The following EIF2B3 variants were observed in gnomAD, a reference collection of about 807,000 sequenced individuals.
The protein encoded by EIF2B3 is eukaryotic translation initiation factor 2B subunit gamma, also known as translation initiation factor eIF2B subunit gamma.
A neutral mutation model predicts 54.1 loss-of-function variants in EIF2B3; 20 were observed. The ratio of observed to expected loss-of-function variants is 0.37; its 90% CI spans 0.26 to 0.54. The LOEUF is 0.54. Ranked by LOEUF, EIF2B3 falls within the 20% of genes least tolerant of loss-of-function variation. EIF2B3 has a pLI of 0.86. For missense variants in EIF2B3, 448 were observed against 547.8 expected (o/e 0.82, Z 1.82); for synonymous variants, 153 against 188.1 (o/e 0.81, Z 1.52).
chr1:44,866,204 C>T (rs1654773972), intron 10 of EIF2B3, among the ~76,000 whole-genome samples: 1 of 152,016 alleles, frequency 6.6e-6, no homozygotes, highest in African/African-American at 2.4e-5. Flanking sequence ...TGAGACCAGC[C>T]TGGCCAGCAT....
intron 2 of EIF2B3, 149 bp from the exon 3 acceptor site, chr1:44,978,609 C>G (rs1156704457): frequency 1.6e-6 from 1 of 617,822 alleles, no homozygotes; most frequent in Admixed American, 3.4e-5. Context: ...ACCTGCATTC[C>G]CCCAATAAAT....
chr1:44,916,724 G>T (rs1165505626), intron 5 of EIF2B3, among the ~76,000 whole-genome samples: 1 of 150,900 alleles, frequency 6.6e-6, no homozygotes, highest in African/African-American at 2.4e-5. Context: ...TCAGGAGGCT[G>T]AGGTAGGAGG....
intron 6 of EIF2B3, among the ~76,000 whole-genome samples, chr1:44,882,569 A>G (rs1245635039): frequency 1.3e-5 from 2 of 150,436 alleles, no homozygotes; most frequent in African/African-American, 4.9e-5. Context: ...CAGCCTCCTG[A>G]GTGGCTGGAA....
intron 3 of EIF2B3, among the ~76,000 whole-genome samples, chr1:44,956,124 T>C (rs1361845295): frequency 2.0e-5 from 3 of 152,236 alleles, no homozygotes; most frequent in East Asian, 3.9e-4. Context: ...CAAATACCCA[T>C]TGATGATAGG....
chr1:44,901,516 G>A (rs999803230), intron 5 of EIF2B3, among the ~76,000 whole-genome samples: 36 of 150,584 alleles, frequency 2.4e-4, no homozygotes, highest in African/African-American at 7.8e-4. Flanking sequence ...CTCCCAAAGC[G>A]CTGGGATGAC....
intron 6 of EIF2B3, among the ~76,000 whole-genome samples, chr1:44,888,835 G>A (rs1237016684): frequency 1.3e-5 from 2 of 152,034 alleles, no homozygotes; most frequent in East Asian, 1.9e-4. Flanking sequence ...AATGTCTCTC[G>A]GTCTCTTCCT....
At chr1:44,861,535 T>C (rs1407030761) in intron 10 of EIF2B3, among the ~76,000 whole-genome samples, 1 of 152,116 alleles carries the variant, frequency 6.6e-6, no homozygotes, top group Non-Finnish European at 1.5e-5. Context: ...ATCTGGGATA[T>C]AAGTGGGAGA....
chr1:44,858,922 T>A (rs1239407059), intron 10 of EIF2B3, among the ~76,000 whole-genome samples: 2 of 152,144 alleles, frequency 1.3e-5, no homozygotes, highest in South Asian at 2.1e-4. Flanking sequence ...GCCAACTCCA[T>A]TCCACATAAA....
intron 10 of EIF2B3, among the ~76,000 whole-genome samples, chr1:44,867,264 G>C (rs1375820728): frequency 3.9e-5 from 6 of 152,102 alleles, no homozygotes; most frequent in Admixed American, 3.9e-4. Flanking sequence ...CAAACATGCA[G>C]AATACAGGGC....
At chr1:44,856,381 G>T (rs1042606603) in intron 11 of EIF2B3, among the ~76,000 whole-genome samples, 2 of 151,846 alleles carry the variant, frequency 1.3e-5, no homozygotes, top group Admixed American at 1.3e-4. Context: ...CAAGGGTGGT[G>T]GTGTGCCCCT....
At chr1:44,927,607 G>A (rs1643866057) in intron 4 of EIF2B3, among the ~76,000 whole-genome samples, 1 of 152,074 alleles carries the variant, frequency 6.6e-6, no homozygotes, top group South Asian at 2.1e-4. Context: ...TAAAACATAG[G>A]TGATCAAATT....
intron 4 of EIF2B3, 139 bp downstream of exon 4, chr1:44,941,367 T>C (rs1212132809): frequency 2.0e-6 from 2 of 1,002,196 alleles, no homozygotes; most frequent in Non-Finnish European, 2.9e-6. Flanking sequence ...TGTGTCTTAT[T>C]TGACTTTATG....
chr1:44,866,457 A>G (rs1249376434), intron 10 of EIF2B3, among the ~76,000 whole-genome samples: 1 of 152,060 alleles, frequency 6.6e-6, no homozygotes, highest in African/African-American at 2.4e-5. Flanking sequence ...TGAAGAGGGA[A>G]GAAAGATGCA....
intron 10 of EIF2B3, among the ~76,000 whole-genome samples, chr1:44,865,999 T>C (rs1344989206): frequency 6.6e-6 from 1 of 152,036 alleles, no homozygotes; most frequent in Admixed American, 6.6e-5. Flanking sequence ...AGTAGAGGGG[T>C]TAAATCAGAG....
At chr1:44,981,960 A>AAAG (rs1553181682) in intron 1 of EIF2B3, among the ~76,000 whole-genome samples, 1 of 151,062 alleles carries the variant, frequency 6.6e-6, no homozygotes, top group Non-Finnish European at 1.5e-5. Context: ...AAAAAAAAAA[A>AAAG]AGAGAGAAAA....
At chr1:44,958,285 A>C (rs1356248906) in intron 3 of EIF2B3, among the ~76,000 whole-genome samples, 5 of 152,192 alleles carry the variant, frequency 3.3e-5, no homozygotes, top group Non-Finnish European at 7.3e-5. Context: ...TGGTACTTGA[A>C]TTTTGATCAA....
At chr1:44,895,229 G>C (rs114398019) in intron 6 of EIF2B3, among the ~76,000 whole-genome samples, 2,269 of 152,220 alleles carry the variant, frequency 0.015, 65 homozygotes, top group African/African-American at 0.052. Flanking sequence ...CCATTTGGCA[G>C]AGCTTCTGGC....
intron 4 of EIF2B3, among the ~76,000 whole-genome samples, chr1:44,936,714 T>G (rs1643952067): frequency 6.6e-6 from 1 of 152,180 alleles, no homozygotes; most frequent in South Asian, 2.1e-4. Flanking sequence ...TATTCTGTGG[T>G]TTTTTAAAGT....
At chr1:44,963,104 A>G (rs944944994) in intron 3 of EIF2B3, among the ~76,000 whole-genome samples, 1 of 151,942 alleles carries the variant, frequency 6.6e-6, no homozygotes, top group Non-Finnish European at 1.5e-5. Flanking sequence ...AGTCCCAGTT[A>G]CTGGGGAGGC....
Sources: allele counts gnomAD v4.1 joint callset (sites outside exome capture counted in the v4.1 genomes callset), GRCh38; gene constraint gnomAD v4.1.1; transcripts MANE v1.5; gene names NCBI Gene and HGNC (gene_info 2026-07-23, HGNC 2026-07-21).